The following CSMD2 variants were observed in gnomAD, a reference collection of about 807,000 sequenced individuals.
CSMD2 encodes the protein CUB and Sushi multiple domains 2.
Under a neutral mutation model 398.5 loss-of-function variants are expected in CSMD2, and 130 were observed. The observed-to-expected ratio is 0.33, with a 90% CI of 0.28 to 0.38. The LOEUF (loss-of-function observed/expected upper bound fraction) is 0.38. Ranked by LOEUF, CSMD2 falls within the 10% of genes least tolerant of loss-of-function variation. The pLI is 1.00. For missense variants in CSMD2, 3,829 were observed against 4,764.9 expected (o/e 0.80, Z 5.78); for synonymous variants, 1,828 against 1,908.5 (o/e 0.96, Z 1.10).
At chr1:34,101,323 C>A (rs1659921534) in intron 1 of CSMD2, among the ~76,000 whole-genome samples, 1 of 152,196 alleles carries the variant, frequency 6.6e-6, no homozygotes, top group South Asian at 2.1e-4. Flanking sequence ...TCTCAGAGAA[C>A]TAGACTCCTC....
At chr1:33,517,626 G>A (rs1653883432) in intron 70 of CSMD2, among the ~76,000 whole-genome samples, 1 of 152,208 alleles carries the variant, frequency 6.6e-6, no homozygotes, top group South Asian at 2.1e-4. Context: ...GAAACTTGAG[G>A]AGTAATTTTG....
At chr1:33,732,185 G>C (rs747387193) in intron 15 of CSMD2, among the ~76,000 whole-genome samples, 9 of 152,096 alleles carry the variant, frequency 5.9e-5, no homozygotes, top group Non-Finnish European at 1.2e-4. Flanking sequence ...TCTTGAACAG[G>C]GAGAAGAGCT....
In CSMD2 at chr1:33,537,738, C is replaced by T. The variant is rs1655943025; in HGVS notation, c.9632-129G>A. On this transcript the variant is annotated intron_variant, in intron 60 of 70. Coordinates refer to ENST00000373381, the MANE Select transcript of CSMD2 (RefSeq NM_001281956.2). This position sits in a 1 kb window ranked among gnomAD's most constrained non-coding sequence, Gnocchi z 4.6. ...TGAGCTTGAACTCTGGGAACCGGGG[C>T]AGCCCCAGGTAGGTGCTTCCACCTG... 3.0e-6 allele frequency: 3 copies of T among 990,194 alleles called. No individual in the cohort carries two copies. The highest frequency in any genetic ancestry group is 4.3e-6 in the Non-Finnish European group (3 of 702,714). The allele number at this position is 990,194 out of a possible 1,614,324, so 61.3% of individuals were successfully genotyped here. A position where few individuals can be genotyped will look rare whatever the true frequency, so the allele number is the denominator to read the frequency against.
At chr1:33,836,757 G>A (rs966553489) in intron 6 of CSMD2, among the ~76,000 whole-genome samples, 2 of 152,178 alleles carry the variant, frequency 1.3e-5, no homozygotes, top group Non-Finnish European at 2.9e-5. Flanking sequence ...CAGGTGCCGT[G>A]CATCACCCCT....
intron 29 of CSMD2, among the ~76,000 whole-genome samples, chr1:33,644,277 T>C (rs1412404201): frequency 1.3e-5 from 2 of 152,212 alleles, no homozygotes; most frequent in East Asian, 3.9e-4. Flanking sequence ...GGAGAAGACC[T>C]GGGGGAGAGA....
At chr1:33,536,280 G>C (rs1655770719) in intron 62 of CSMD2, among the ~76,000 whole-genome samples, 1 of 152,160 alleles carries the variant, frequency 6.6e-6, no homozygotes, top group Non-Finnish European at 1.5e-5. Flanking sequence ...CTGGAGTGCA[G>C]TGGTGCGATC....
rs984937531 is a variant in CSMD2, at chr1:33,566,297, C to T, written c.8380+1296G>A. On this transcript the variant is annotated intron_variant, in intron 53 of 70. Coordinates refer to ENST00000373381, the MANE Select transcript of CSMD2 (RefSeq NM_001281956.2). ...ACTTTAGGATAAAGGGAAAAATAATCAGGAACCTCAAAAAAAAAAAACAAC... is the reference window on the plus strand; with the variant it reads ...ACTTTAGGATAAAGGGAAAAATAATTAGGAACCTCAAAAAAAAAAAACAAC... Among the ~76,000 whole-genome samples the T allele has an allele frequency of 2.4e-4, 14 of 58,288 alleles. 1 individual carries two copies. The highest frequency in any genetic ancestry group is 3.9e-4 in the Non-Finnish European group (10 of 25,426). 38.2% of individuals were successfully genotyped at this position (58,288 alleles called of 152,430 possible). A position where few individuals can be genotyped will look rare whatever the true frequency, so the allele number is the denominator to read the frequency against.
At position 34,130,077 on chromosome 1, in the gene CSMD2, C is replaced by T. The variant is rs79911259; in HGVS notation, c.187+34834G>A. 1.4e-3 allele frequency among the ~76,000 whole-genome samples: 219 copies of T among 152,262 alleles called. 1 individual carries two copies. The East Asian group carries it at 0.038, about 26-fold the overall frequency. ...TCTCTCCCTTCCACTCCACCCTGTG[C>T]CTTTCATTCATGCAACTGATAAATA... On this transcript the variant is annotated intron_variant, in intron 1 of 70. Coordinates refer to ENST00000373381, the MANE Select transcript of CSMD2 (RefSeq NM_001281956.2).
At chr1:33,558,875 A>C (rs1472228405) in intron 54 of CSMD2, among the ~76,000 whole-genome samples, 1 of 152,010 alleles carries the variant, frequency 6.6e-6, no homozygotes, top group Non-Finnish European at 1.5e-5. Flanking sequence ...GTTCCAAAGG[A>C]GCTGCAGCAG....
At chr1:33,600,421 T>C in intron 44 of CSMD2, 1 of 558,754 alleles carries the variant, frequency 1.8e-6, no homozygotes, top group South Asian at 2.4e-5. Flanking sequence ...GAATTGTTCA[T>C]ACTCTTCCTA....
intron 12 of CSMD2, among the ~76,000 whole-genome samples, chr1:33,780,197 A>G (rs1371489472): frequency 6.6e-6 from 1 of 152,120 alleles, no homozygotes; most frequent in African/African-American, 2.4e-5. Context: ...ATGCATACTA[A>G]GTGCTCAGAC....
chr1:33,573,917 A>G lies in CSMD2; in HGVS notation c.7577-1226T>C, dbSNP rs185871341. 1.5e-3 allele frequency among the ~76,000 whole-genome samples: 221 copies of G among 151,532 alleles called. 1 individual carries two copies. The highest frequency in any genetic ancestry group is 3.4e-3 in the Middle Eastern group (1 of 292). On this transcript the variant is annotated intron_variant, in intron 49 of 70. Coordinates refer to ENST00000373381, the MANE Select transcript of CSMD2 (RefSeq NM_001281956.2). ...TTCCTCCAAATTACTAGAAAGAGGG[A>G]AAAAAAAATGACATAACTGTGAAGG...
intron 50 of CSMD2, among the ~76,000 whole-genome samples, 169 bp downstream of exon 50, chr1:33,572,337 G>C (rs1376241468): frequency 6.6e-6 from 1 of 151,858 alleles, no homozygotes; most frequent in South Asian, 2.1e-4. Context: ...TCAATGCTGA[G>C]AGCAGTTTCA....
Position 33,825,761 on chromosome 1 carries a change from A to T in CSMD2, c.1047T>A (p.Ile349=). The T allele has an allele frequency of 6.2e-7, 1 of 1,614,018 alleles. No individual in the cohort carries two copies. Among genetic ancestry groups the T allele is most frequent in the Non-Finnish European group, 8.5e-7 (1 of 1,179,952 alleles). ...GCTTCACACCTCGAGACTTCAACTC[A>T]ATTTGCTTCTTGACTAGAGAGGAGG... The part of the protein sequence containing the change: ...FSAQYQVKKQ[I]ELKSRGVKLM... Residue 349 remains isoleucine, a synonymous_variant, in exon 7 of 71, where the codon ATT becomes ATA. Coordinates refer to ENST00000373381, the MANE Select transcript of CSMD2 (RefSeq NM_001281956.2).
chr1:33,953,975 C>G (rs898862919), intron 3 of CSMD2, among the ~76,000 whole-genome samples: 3 of 152,144 alleles, frequency 2.0e-5, no homozygotes, highest in Admixed American at 1.3e-4. Context: ...CTTCTCCAAT[C>G]CCCCATGCTA....
At chr1:33,671,213 T>A (rs941162511) in intron 25 of CSMD2, among the ~76,000 whole-genome samples, 5 of 152,162 alleles carry the variant, frequency 3.3e-5, no homozygotes, top group Non-Finnish European at 7.4e-5. Context: ...GAGAGCAGTT[T>A]CCTTGGTGCT....
At chr1:33,860,630 G>A (rs1465932489) in intron 5 of CSMD2, 2 of 152,108 alleles carry the variant, frequency 1.3e-5, no homozygotes, top group Non-Finnish European at 1.5e-5. Flanking sequence ...AATCCTCATG[G>A]CTTTATTATC....
At chr1:33,637,363 T>TC (rs1642867996) in intron 29 of CSMD2, among the ~76,000 whole-genome samples, 1 of 152,226 alleles carries the variant, frequency 6.6e-6, no homozygotes, top group Middle Eastern at 3.2e-3. Flanking sequence ...GACCCTTACA[T>TC]GTCTTCCCTA....
At chr1:33,727,823 G>A (rs1279624845) in intron 15 of CSMD2, among the ~76,000 whole-genome samples, 1 of 152,126 alleles carries the variant, frequency 6.6e-6, no homozygotes, top group Non-Finnish European at 1.5e-5. Flanking sequence ...TTAACACCGT[G>A]TAGCCTAGCC....
Sources: gnomAD v4.1 joint callset for allele counts (sites outside exome capture counted in the v4.1 genomes callset) on GRCh38, gnomAD v4.1.1 for gene constraint, Gnocchi (gnomAD v3.1) non-coding constraint, MANE v1.5 for transcripts, NCBI Gene and HGNC (gene_info 2026-07-23, HGNC 2026-07-21) for gene names.